Variants in CDC42BPA observed in about 807,000 individuals in gnomAD.
CDC42BPA encodes the protein serine/threonine-protein kinase MRCK alpha.
A neutral mutation model predicts 223.5 loss-of-function variants in CDC42BPA; 80 were observed. That is an observed-to-expected ratio of 0.36 (90% CI 0.30 to 0.43). The LOEUF is 0.43. Among genes scored for constraint, CDC42BPA ranks in the 20% least tolerant of loss-of-function variants. CDC42BPA has a pLI of 1.00. For missense variants in CDC42BPA, 1,743 were observed against 2,099.9 expected (o/e 0.83, Z 3.32); for synonymous variants, 694 against 718.6 (o/e 0.97, Z 0.55).
At chr1:227,126,175 T>C (rs965451125) in intron 11 of CDC42BPA, among the ~76,000 whole-genome samples, 6 of 152,150 alleles carry the variant, frequency 3.9e-5, no homozygotes, top group Non-Finnish European at 7.3e-5. Context: ...ATACTGCTAG[T>C]TGCCATGCTC....
At chr1:227,080,449 G>A (rs964607332) in intron 17 of CDC42BPA, among the ~76,000 whole-genome samples, 6 of 152,114 alleles carry the variant, frequency 3.9e-5, no homozygotes, top group Admixed American at 1.3e-4. Flanking sequence ...TGCCATGTGT[G>A]AATTAATCTG....
At position 227,129,170 on chromosome 1, in the gene CDC42BPA, G is replaced by T. The variant is rs867453947; in HGVS notation, c.1452C>A (p.Ser484Arg). ...TTAAGTTTTTTATTTCTAAATCTTT[G>T]CTTGCTGTTAGTGGACCATCAACAG... is the stretch of plus-strand genomic sequence containing the variant. Reference protein sequence around the residue: ...YSTVDGPLTASKDLEIKNLKE... With the variant: ...YSTVDGPLTARKDLEIKNLKE... The change falls in exon 11 of 37, where the codon AGC becomes AGA. Residue 484 changes from serine to arginine, a missense_variant. Around this residue, in one of 6 missense-constraint regions of CDC42BPA, gnomAD observed 464 missense variants for 488.0 expected, o/e 0.95. Coordinates refer to ENST00000366766, the MANE Select transcript of CDC42BPA (RefSeq NM_001394014.1). 6.4e-7 allele frequency: 1 copy of T among 1,570,766 alleles called. No individual in the cohort carries two copies. The highest frequency in any genetic ancestry group is 1.1e-5 in the South Asian group (1 of 88,630).
chr1:227,105,356 C>CTTTTT (rs35065841), intron 14 of CDC42BPA, among the ~76,000 whole-genome samples: 7 of 91,668 alleles, frequency 7.6e-5, no homozygotes, highest in Admixed American at 1.3e-4. Flanking sequence ...TGCCTATTCT[C>CTTTTT]TTTTTTTTTT....
chr1:227,053,865 T>C (rs1674026036), intron 21 of CDC42BPA, among the ~76,000 whole-genome samples: 2 of 152,196 alleles, frequency 1.3e-5, no homozygotes, highest in Non-Finnish European at 2.9e-5. Context: ...GTTGGGAATA[T>C]GGCAGAAATG....
chr1:227,168,497 G>GTGTTTTTTTTTTTTTTTTTTTTTT lies in CDC42BPA; in HGVS notation c.600-7862_600-7861insAAAAAAAAAAAAAAAAAAAAAACA, dbSNP rs1302291274. Among the ~76,000 whole-genome samples, 50 of 80,200 alleles carry GTGTTTTTTTTTTTTTTTTTTTTTT rather than the reference G, an allele frequency of 6.2e-4. 1 individual carries two copies. Among genetic ancestry groups the GTGTTTTTTTTTTTTTTTTTTTTTT allele is most frequent in the Non-Finnish European group, 7.1e-4 (30 of 42,216 alleles). The allele number at this position is 80,200 out of a possible 152,430, so 52.6% of individuals were successfully genotyped here. On this transcript the variant is annotated intron_variant, in intron 5 of 36. Coordinates refer to ENST00000366766, the MANE Select transcript of CDC42BPA (RefSeq NM_001394014.1). ...CTTTTTCATATTTATCTTCCCTGGT[G>GTGTTTTTTTTTTTTTTTTTTTTTT]TTTTTTTTTTTTTTTTGAGGCAGAG...
At chr1:227,037,567 C>T (rs761373557) in intron 24 of CDC42BPA, among the ~76,000 whole-genome samples, 2 of 152,196 alleles carry the variant, frequency 1.3e-5, no homozygotes, top group Non-Finnish European at 2.9e-5. Flanking sequence ...ACTCAAAGTA[C>T]TCAGATACAG....
At chr1:227,158,512 T>C (rs189746292) in intron 6 of CDC42BPA, among the ~76,000 whole-genome samples, 86 of 152,320 alleles carry the variant, frequency 5.6e-4, no homozygotes, top group African/African-American at 2.0e-3. Flanking sequence ...TCCTTGACCA[T>C]GAGTTAGCTT....
rs145166942 is a variant in CDC42BPA at position 227,316,320 on chromosome 1, C to G, written c.178+685G>C. On this transcript the variant is annotated intron_variant, in intron 1 of 36. Coordinates refer to ENST00000366766, the MANE Select transcript of CDC42BPA (RefSeq NM_001394014.1). ...CTACAGTAGGTCTTCTAAATCACAT[C>G]TATATTTAGAAGAATGAAGCCAAAA... is the stretch of plus-strand genomic sequence containing the variant. Among the ~76,000 whole-genome samples the G allele has an allele frequency of 6.0e-3, 913 of 152,282 alleles. 10 individuals are homozygous for G. Among genetic ancestry groups the G allele is most frequent in the African/African-American group, 0.021 (860 of 41,576 alleles).
intron 1 of CDC42BPA, among the ~76,000 whole-genome samples, chr1:227,291,715 C>G (rs1689728818): frequency 6.7e-6 from 1 of 150,062 alleles, no homozygotes; most frequent in South Asian, 2.1e-4. Context: ...CCATATTCTT[C>G]AAACCAGTTT....
chr1:227,033,552 T>C (rs1669707205), intron 26 of CDC42BPA, 137 bp from the exon 27 acceptor site: 1 of 607,260 alleles, frequency 1.6e-6, no homozygotes, highest in Non-Finnish European at 3.0e-6. Flanking sequence ...AAATTAATTT[T>C]CCCCCATTGT....
intron 27 of CDC42BPA, among the ~76,000 whole-genome samples, chr1:227,032,788 G>A (rs183095766): frequency 8.5e-5 from 13 of 152,260 alleles, no homozygotes; most frequent in African/African-American, 3.1e-4. Flanking sequence ...CCAGCTAACA[G>A]CCAGCACCCA....
At chr1:227,034,926 T>C (rs1409726474) in intron 25 of CDC42BPA, 132 bp from the exon 26 acceptor site, 1 of 710,742 alleles carries the variant, frequency 1.4e-6, no homozygotes, top group Non-Finnish European at 2.2e-6. Flanking sequence ...TTCTGGTTGG[T>C]AAAGTAGCAG....
chr1:227,215,888 T>G (rs953899948), intron 2 of CDC42BPA, among the ~76,000 whole-genome samples: 1 of 152,156 alleles, frequency 6.6e-6, no homozygotes, highest in Non-Finnish European at 1.5e-5. Flanking sequence ...TATATACAAA[T>G]AAAAACTAAG....
intron 2 of CDC42BPA, among the ~76,000 whole-genome samples, chr1:227,243,705 C>A (rs4630094): frequency 6.6e-6 from 1 of 151,168 alleles, no homozygotes. Context: ...AATTTCTGTT[C>A]AATACAAGAT....
intron 15 of CDC42BPA, 98 bp from the exon 16 acceptor site, chr1:227,092,089 A>G: frequency 1.6e-6 from 1 of 638,650 alleles, no homozygotes; most frequent in Non-Finnish European, 2.7e-6. Context: ...ACAAAATATC[A>G]GATTGAACTG....
At chr1:227,041,350 C>A (rs939077465) in intron 23 of CDC42BPA, among the ~76,000 whole-genome samples, 12 of 152,024 alleles carry the variant, frequency 7.9e-5, no homozygotes, top group Non-Finnish European at 1.5e-4. Flanking sequence ...ATCTTTATGT[C>A]CATGGGTACC....
rs574640516 is a variant in CDC42BPA at position 227,242,696 on chromosome 1, G to C, written c.270+11368C>G. On this transcript the variant is annotated intron_variant, in intron 2 of 36. Coordinates refer to ENST00000366766, the MANE Select transcript of CDC42BPA (RefSeq NM_001394014.1). ...ATTAAATAAAAAAAGAATTGGATTG[G>C]GGCAGATAAAAAAAAGAAATCAGAC... is the stretch of plus-strand genomic sequence containing the variant. Among the ~76,000 whole-genome samples, 4 of 151,878 alleles carry C rather than the reference G, an allele frequency of 2.6e-5. No individual in the cohort carries two copies. In the East Asian group the frequency reaches 7.7e-4, roughly 29 times the overall value.
intron 1 of CDC42BPA, among the ~76,000 whole-genome samples, chr1:227,258,173 CG>C (rs199606107): frequency 1.1e-5 from 1 of 89,782 alleles, no homozygotes; most frequent in Non-Finnish European, 2.3e-5. Flanking sequence ...AAACCCTGTC[CG>C]GGAAAAAAAA....
chr1:227,176,818 C>T (rs1477474223), intron 5 of CDC42BPA, among the ~76,000 whole-genome samples: 2 of 152,154 alleles, frequency 1.3e-5, no homozygotes, highest in East Asian at 1.9e-4. Context: ...TATTTGATAA[C>T]ATTTGTACAT....
Sources: gnomAD v4.1 joint callset for allele counts (sites outside exome capture counted in the v4.1 genomes callset) on GRCh38, gnomAD v4.1.1 for gene constraint, gnomAD v4.1.1 regional missense constraint, MANE v1.5 for transcripts, NCBI Gene and HGNC (gene_info 2026-07-23, HGNC 2026-07-21) for gene names.